Variants in SIAH3 observed in about 807,000 individuals in gnomAD.
SIAH3 encodes siah E3 ubiquitin protein ligase family member 3, also known as seven in absentia homolog 3.
Under a neutral mutation model 12.6 loss-of-function variants are expected in SIAH3, and 9 were observed. The ratio of observed to expected loss-of-function variants is 0.72; its 90% CI spans 0.43 to 1.25. The LOEUF is 1.25. Ranked by LOEUF, SIAH3 falls within the 50% of genes most tolerant of loss-of-function variation. The pLI is 0.00. For missense variants in SIAH3, 390 were observed against 365.4 expected (o/e 1.07, Z -0.55); for synonymous variants, 154 against 151.1 (o/e 1.02, Z -0.14).
chr13:45,794,204 T>G (rs959262971), intron 1 of SIAH3, among the ~76,000 whole-genome samples: 1 of 152,082 alleles, frequency 6.6e-6, no homozygotes, highest in Non-Finnish European at 1.5e-5. Context: ...GTGATTCTCC[T>G]GCCTCAGCCT....
chr13:45,838,639 G>A (rs916540922), intron 1 of SIAH3, among the ~76,000 whole-genome samples: 5 of 152,104 alleles, frequency 3.3e-5, no homozygotes, highest in African/African-American at 1.2e-4. Flanking sequence ...TCATGTCTGA[G>A]GCCTTTCCTT....
intron 1 of SIAH3, among the ~76,000 whole-genome samples, chr13:45,785,539 A>C (rs1285249544): frequency 6.6e-6 from 1 of 152,198 alleles, no homozygotes; most frequent in Non-Finnish European, 1.5e-5. Flanking sequence ...ATACATGTAC[A>C]TACATGCACA....
intron 1 of SIAH3, among the ~76,000 whole-genome samples, chr13:45,846,570 T>A (rs1950761018): frequency 6.6e-6 from 1 of 152,180 alleles, no homozygotes; most frequent in Admixed American, 6.5e-5. Flanking sequence ...TAATTTTTTT[T>A]CTTGTTGTTA....
At chr13:45,842,355 A>G (rs1009270518) in intron 1 of SIAH3, among the ~76,000 whole-genome samples, 7 of 152,048 alleles carry the variant, frequency 4.6e-5, no homozygotes, top group Admixed American at 1.3e-4. Flanking sequence ...TCATATGTAT[A>G]TTTTTTGAGA....
chr13:45,812,602 G>C (rs113815511), intron 1 of SIAH3, among the ~76,000 whole-genome samples: 2 of 152,116 alleles, frequency 1.3e-5, no homozygotes, highest in Non-Finnish European at 2.9e-5. Context: ...CTAGGACCCC[G>C]GGGTACAGCT....
intron 1 of SIAH3, among the ~76,000 whole-genome samples, chr13:45,794,586 G>A (rs532694232): frequency 1.4e-4 from 21 of 152,104 alleles, no homozygotes; most frequent in Non-Finnish European, 2.6e-4. Flanking sequence ...TCTTTTGATA[G>A]CGAATAAGTC....
intron 1 of SIAH3, among the ~76,000 whole-genome samples, chr13:45,839,262 A>C (rs947075056): frequency 4.6e-5 from 7 of 151,712 alleles, no homozygotes; most frequent in African/African-American, 1.7e-4. Context: ...TTAGAGAAAA[A>C]GCAGCCTGTT....
chr13:45,792,060 C>A (rs533217338), intron 1 of SIAH3, among the ~76,000 whole-genome samples: 1 of 152,324 alleles, frequency 6.6e-6, no homozygotes, highest in Non-Finnish European at 1.5e-5. Context: ...ACCCTCTAGA[C>A]CACACTCTGC....
At chr13:45,836,198 G>A (rs985760152) in intron 1 of SIAH3, among the ~76,000 whole-genome samples, 1 of 152,208 alleles carries the variant, frequency 6.6e-6, no homozygotes, top group Admixed American at 6.5e-5. Flanking sequence ...AGAGGAGAAG[G>A]CAGGGACTAG....
chr13:45,825,518 A>G (rs1950671368), intron 1 of SIAH3, among the ~76,000 whole-genome samples: 1 of 152,016 alleles, frequency 6.6e-6, no homozygotes, highest in African/African-American at 2.4e-5. Context: ...GTCACCTTGG[A>G]GGGAGTGACA....
chr13:45,843,110 T>C (rs925592168), intron 1 of SIAH3, among the ~76,000 whole-genome samples: 2 of 149,492 alleles, frequency 1.3e-5, no homozygotes, highest in African/African-American at 4.9e-5. Flanking sequence ...GCTTAGCTCA[T>C]TCATGTTTAA....
At chr13:45,795,647 C>T (rs1950559885) in intron 1 of SIAH3, among the ~76,000 whole-genome samples, 1 of 152,214 alleles carries the variant, frequency 6.6e-6, no homozygotes, top group Admixed American at 6.5e-5. Context: ...CTCGTGTCTT[C>T]TACCAGCATC....
rs1950783081 is a variant in SIAH3 at position 45,851,708 on chromosome 13, C to G, written c.-79G>C. 5.7e-6 allele frequency: 9 copies of G among 1,568,702 alleles called. No individual in the cohort carries two copies. In the African/African-American group the frequency reaches 6.8e-5, roughly 12 times the overall value. On this transcript the variant is annotated 5_prime_UTR_variant, in exon 1 of 2. Transcript: ENST00000400405. ...CCTTGGGCCCTGGAAGGAGCGCAGC[C>G]TCTGAGACACTCCGCTCCAGCCCGG...
At chr13:45,788,600 A>G (rs1950535454) in intron 1 of SIAH3, among the ~76,000 whole-genome samples, 1 of 152,220 alleles carries the variant, frequency 6.6e-6, no homozygotes. Context: ...AATTTAAAAA[A>G]CATTCCTTAA....
In SIAH3 at chr13:45,783,306, A is replaced by G; in HGVS notation, c.*77T>C. 11 of 1,021,060 alleles carry G rather than the reference A, an allele frequency of 1.1e-5. No individual in the cohort carries two copies. The highest frequency in any genetic ancestry group is 4.9e-5 in the East Asian group (2 of 40,726). 63.3% of individuals were successfully genotyped at this position (1,021,060 alleles called of 1,614,324 possible). A position where few individuals can be genotyped will look rare whatever the true frequency, so the allele number is the denominator to read the frequency against. ...AAAAGAAAGGAGAAGAATAAAAAGG[A>G]GTCTGGAGTCCTGGTATTGGGAGGT... is the stretch of plus-strand genomic sequence containing the variant. On this transcript the variant is annotated 3_prime_UTR_variant, in exon 2 of 2. Transcript: ENST00000400405.
chr13:45,813,251 C>G (rs1382322546), intron 1 of SIAH3, among the ~76,000 whole-genome samples: 1 of 152,196 alleles, frequency 6.6e-6, no homozygotes, highest in Non-Finnish European at 1.5e-5. Flanking sequence ...AGTACTGAGT[C>G]CTGGCACCAG....
In SIAH3 at chr13:45,849,669, C is replaced by T. The variant is rs564310660; in HGVS notation, c.135+1826G>A. On this transcript the variant is annotated intron_variant, in intron 1 of 1. Coordinates refer to ENST00000400405, the MANE Select transcript of SIAH3 (RefSeq NM_198849.3). Reference sequence around the variant, plus strand: ...GAACTCCTGGGTCAGGGCAGCAAGACGACTTGTCAAAATCCAGGCAGACAT... The same window carrying T: ...GAACTCCTGGGTCAGGGCAGCAAGATGACTTGTCAAAATCCAGGCAGACAT... Among the ~76,000 whole-genome samples, 7 of 152,238 alleles carry T rather than the reference C, an allele frequency of 4.6e-5. No individual in the cohort carries two copies. The South Asian group carries it at 1.2e-3, about 27-fold the overall frequency.
chr13:45,805,215 T>A (rs1447892202), intron 1 of SIAH3, among the ~76,000 whole-genome samples: 1 of 151,974 alleles, frequency 6.6e-6, no homozygotes, highest in East Asian at 1.9e-4. Context: ...TTCACAGAAT[T>A]AGAAAAAAAC....
At chr13:45,822,910 G>A (rs1229487035) in intron 1 of SIAH3, among the ~76,000 whole-genome samples, 1 of 148,862 alleles carries the variant, frequency 6.7e-6, no homozygotes, top group East Asian at 2.1e-4. Flanking sequence ...CTTTCTTAAT[G>A]AGGAAATGAA....
Sources: gnomAD v4.1 joint callset for allele counts (sites outside exome capture counted in the v4.1 genomes callset) on GRCh38, gnomAD v4.1.1 for gene constraint, MANE v1.5 for transcripts, NCBI Gene and HGNC (gene_info 2026-07-23, HGNC 2026-07-21) for gene names.